CSMD1: variants seen among roughly 807,000 people sequenced by gnomAD.
The protein encoded by CSMD1 is CUB and sushi domain-containing protein 1.
In CSMD1, 213 loss-of-function variants were observed where a neutral mutation model predicts 417.5. The ratio of observed to expected loss-of-function variants is 0.51; its 90% CI spans 0.46 to 0.57. CSMD1 has a LOEUF of 0.57. CSMD1 is among the 20% of genes least tolerant of loss of function. The pLI, the probability that CSMD1 is intolerant of heterozygous loss-of-function variation, is 0.00. For missense variants in CSMD1, 6,923 were observed against 4,529.7 expected, an observed-to-expected ratio of 1.53 and a Z score of -15.17; for synonymous variants, 2,862 against 1,736.8, an observed-to-expected ratio of 1.65 and a Z score of -16.11.
chr8:4,726,506 A>G (rs748686086), intron 1 of CSMD1, among the ~76,000 whole-genome samples: 2 of 152,106 alleles, frequency 1.3e-5, no homozygotes, highest in Non-Finnish European at 2.9e-5. Flanking sequence ...TAAGACCTCA[A>G]TGGACAGGGC....
In CSMD1 at chr8:4,862,782, A is replaced by C. The variant is rs528044452; in HGVS notation, c.85+131550T>G. 2.6e-5 allele frequency among the ~76,000 whole-genome samples: 4 copies of C among 152,200 alleles called. No individual in the cohort carries two copies. In the South Asian group the frequency reaches 8.3e-4, roughly 32 times the overall value. On this transcript the variant is annotated intron_variant, in intron 1 of 69. Coordinates refer to ENST00000635120, the MANE Select transcript of CSMD1 (RefSeq NM_033225.6). ...CTTGGAAAAGGTTCTTGGAATCATG[A>C]AATCCGGTGACAGCCTAAAGGGATT...
At chr8:4,902,575 ATAT>A (rs1247890807) in intron 1 of CSMD1, among the ~76,000 whole-genome samples, 2 of 152,236 alleles carry the variant, frequency 1.3e-5, no homozygotes, top group African/African-American at 2.4e-5. Flanking sequence ...GAATTAGAAA[ATAT>A]TATGCTGTGG....
Position 3,231,170 on chromosome 8 carries a change from C to G in CSMD1, c.4154-939G>C, listed in dbSNP as rs561366327. On this transcript the variant is annotated intron_variant, in intron 26 of 69. Transcript: ENST00000635120. The stretch of plus-strand genomic sequence containing the variant: ...TTGTTTTCTCCAGTTTCTATAACTG[C>G]TGTGTATTATGTGTCGCACTGAAAA... Among the ~76,000 whole-genome samples, 3 of 152,270 alleles carry G rather than the reference C, an allele frequency of 2.0e-5. No homozygotes were observed. The East Asian group carries it at 5.8e-4, about 29-fold the overall frequency.
At chr8:4,012,229 T>C (rs192867056) in intron 4 of CSMD1, among the ~76,000 whole-genome samples, 1 of 152,014 alleles carries the variant, frequency 6.6e-6, no homozygotes, top group Non-Finnish European at 1.5e-5. Context: ...ACTCGTCTCT[T>C]TAGATACTAC....
At chr8:4,897,210 C>A (rs570460507) in intron 1 of CSMD1, among the ~76,000 whole-genome samples, 1 of 152,110 alleles carries the variant, frequency 6.6e-6, no homozygotes, top group African/African-American at 2.4e-5. Flanking sequence ...GAATAAAACT[C>A]ACAACACGTC....
At chr8:4,146,467 G>C (rs968562568) in intron 3 of CSMD1, among the ~76,000 whole-genome samples, 2 of 150,540 alleles carry the variant, frequency 1.3e-5, no homozygotes, top group African/African-American at 2.5e-5. Context: ...AGTTAACAAT[G>C]TTGAAAAGGC....
rs78008230 is a variant in CSMD1, at chr8:4,784,131, A to C, written c.86-146573T>G. Among the ~76,000 whole-genome samples the C allele has an allele frequency of 1.5e-3, 234 of 152,370 alleles. 5 individuals are homozygous for C. The East Asian group carries it at 0.028, about 18-fold the overall frequency. ...TATTAGAAGATAGCCAAGGGTACAC[A>C]GAATAAGTCAGTTGCCTGATTCATA... is the stretch of plus-strand genomic sequence containing the variant. On this transcript the variant is annotated intron_variant, in intron 1 of 69. Transcript: ENST00000635120.
chr8:3,567,078 G>T (rs913358205), intron 10 of CSMD1, among the ~76,000 whole-genome samples: 1 of 152,346 alleles, frequency 6.6e-6, no homozygotes, highest in South Asian at 2.1e-4. Context: ...TGTATACCAT[G>T]GAATACTATG....
At chr8:3,493,571 C>G (rs78223353) in intron 11 of CSMD1, 52 bp downstream of exon 11, 1 of 1,453,748 alleles carries the variant, frequency 6.9e-7, no homozygotes, top group Non-Finnish European at 9.5e-7. Context: ...CTCCACCCAC[C>G]GTGCCCCGCA....
intron 18 of CSMD1, 88 bp downstream of exon 18, chr8:3,387,406 C>G (rs1324830492): frequency 6.1e-6 from 7 of 1,151,412 alleles, no homozygotes; most frequent in Non-Finnish European, 8.6e-6. Flanking sequence ...GTACCACCCC[C>G]TGAAATACAC....
At chr8:4,599,921 T>A (rs1299274054) in intron 2 of CSMD1, among the ~76,000 whole-genome samples, 1 of 152,200 alleles carries the variant, frequency 6.6e-6, no homozygotes, top group Non-Finnish European at 1.5e-5. Context: ...ATTCATAAGC[T>A]GAACCCAGGT....
chr8:4,031,215 CTATTGT>C (rs1716099755), intron 4 of CSMD1, among the ~76,000 whole-genome samples: 2 of 152,174 alleles, frequency 1.3e-5, no homozygotes, highest in African/African-American at 4.8e-5. Context: ...TGGTACCAAT[CTATTGT>C]ATTAGTTCAT....
At chr8:4,851,512 C>A (rs968928870) in intron 1 of CSMD1, among the ~76,000 whole-genome samples, 2 of 151,918 alleles carry the variant, frequency 1.3e-5, no homozygotes, top group Non-Finnish European at 2.9e-5. Flanking sequence ...CTTCTCACTC[C>A]CCTATACATT....
intron 11 of CSMD1, among the ~76,000 whole-genome samples, chr8:3,493,105 C>A (rs1004516293): frequency 3.3e-5 from 5 of 151,904 alleles, no homozygotes; most frequent in African/African-American, 1.2e-4. Flanking sequence ...ACCAACCGGG[C>A]CAACATGGCA....
rs564970041 is a variant in CSMD1 at position 2,988,959 on chromosome 8, C to T, written c.8377+9052G>A. On this transcript the variant is annotated intron_variant, in intron 54 of 69. Transcript: ENST00000635120. ...TCTGTTTCAAAATGTGGGATGGGGT[C>T]TCTGTTTTGTGCCATTAACTAAGTG... 1.3e-4 allele frequency among the ~76,000 whole-genome samples: 20 copies of T among 152,268 alleles called. No individual in the cohort carries two copies. In the East Asian group the frequency reaches 3.7e-3, roughly 28 times the overall value.
chr8:4,812,422 T>C (rs1421577800), intron 1 of CSMD1, among the ~76,000 whole-genome samples: 1 of 152,200 alleles, frequency 6.6e-6, no homozygotes, highest in Non-Finnish European at 1.5e-5. Context: ...ACTTTGTCAA[T>C]TTCTAAGTAG....
chr8:4,421,128 C>T (rs1797228244), intron 2 of CSMD1, among the ~76,000 whole-genome samples: 1 of 148,338 alleles, frequency 6.7e-6, no homozygotes, highest in African/African-American at 2.5e-5. Flanking sequence ...GAGTAAATGA[C>T]TGATGAATGG....
chr8:4,074,713 A>C (rs570338292), intron 3 of CSMD1, among the ~76,000 whole-genome samples: 1 of 152,074 alleles, frequency 6.6e-6, no homozygotes, highest in African/African-American at 2.4e-5. Context: ...GAGATTCCAG[A>C]CCATTTAATT....
At chr8:4,350,643 G>C (rs186841342) in intron 3 of CSMD1, among the ~76,000 whole-genome samples, 1 of 152,210 alleles carries the variant, frequency 6.6e-6, no homozygotes, top group Admixed American at 6.5e-5. Context: ...AGAATTGCGA[G>C]TTGACTCATG....
Sources: allele counts gnomAD v4.1 joint callset (sites outside exome capture counted in the v4.1 genomes callset), GRCh38; gene constraint gnomAD v4.1.1; transcripts MANE v1.5; gene names NCBI Gene and HGNC (gene_info 2026-07-23, HGNC 2026-07-21).